HECW1: variants seen among roughly 807,000 people sequenced by gnomAD.
The protein encoded by HECW1 is E3 ubiquitin-protein ligase HECW1.
Under a neutral mutation model 182.3 loss-of-function variants are expected in HECW1, and 61 were observed. The observed-to-expected ratio is 0.33, with a 90% CI of 0.27 to 0.41. The LOEUF is 0.41. Ranked by LOEUF, HECW1 falls within the 10% of genes least tolerant of loss-of-function variation. HECW1 has a pLI of 1.00. For missense variants in HECW1, 1,739 were observed against 2,108.9 expected (o/e 0.82, Z 3.44); for synonymous variants, 859 against 832.6 (o/e 1.03, Z -0.55).
chr7:43,269,121 A>C (rs1402329658), intron 3 of HECW1, among the ~76,000 whole-genome samples: 4 of 151,912 alleles, frequency 2.6e-5, no homozygotes, highest in Non-Finnish European at 5.9e-5. Flanking sequence ...CTGACCATCT[A>C]CCTCTTGACA....
chr7:43,337,462 C>T (rs1050249258), intron 5 of HECW1, among the ~76,000 whole-genome samples: 2 of 152,118 alleles, frequency 1.3e-5, no homozygotes, highest in African/African-American at 4.8e-5. Flanking sequence ...TTGAGAGCCC[C>T]AAGGTGACAT....
Position 43,463,235 on chromosome 7 carries a change from C to G in HECW1, c.2652-425C>G, listed in dbSNP as rs144952919. On this transcript the variant is annotated intron_variant, in intron 13 of 29. Transcript: ENST00000395891. ...GACCTCTGCCCAATTATATCAATTA[C>G]CCGACAAATAAAACTGAGTAGAACT... Among the ~76,000 whole-genome samples, 3 of 152,316 alleles carry G rather than the reference C, an allele frequency of 2.0e-5. No homozygotes were observed. The East Asian group carries it at 5.8e-4, about 29-fold the overall frequency.
chr7:43,474,911 A>G (rs947342856), intron 16 of HECW1, among the ~76,000 whole-genome samples: 3 of 152,234 alleles, frequency 2.0e-5, no homozygotes, highest in Non-Finnish European at 4.4e-5. Context: ...GATTCCACTC[A>G]TATGAGGAAC....
intron 3 of HECW1, chr7:43,248,575 T>A (rs1285416938): frequency 6.6e-6 from 1 of 152,332 alleles, no homozygotes; most frequent in Non-Finnish European, 1.5e-5. Flanking sequence ...AACTCTGCAG[T>A]TTGTCATCCT....
intron 3 of HECW1, among the ~76,000 whole-genome samples, chr7:43,283,442 T>A (rs1804190788): frequency 6.6e-6 from 1 of 152,222 alleles, no homozygotes; most frequent in Non-Finnish European, 1.5e-5. Context: ...TCACTTTTTT[T>A]AATTTTGGAA....
At chr7:43,217,645 A>C (rs1416497341) in intron 2 of HECW1, among the ~76,000 whole-genome samples, 3 of 152,210 alleles carry the variant, frequency 2.0e-5, no homozygotes, top group African/African-American at 7.2e-5. Context: ...TAATAAGATT[A>C]TACAACAGAC....
intron 24 of HECW1, among the ~76,000 whole-genome samples, chr7:43,528,827 CT>C (rs1174521963): frequency 1.3e-5 from 2 of 152,170 alleles, no homozygotes; most frequent in Admixed American, 6.5e-5. Flanking sequence ...GGCAGAGTCT[CT>C]TTCATGGCAG....
At chr7:43,291,904 A>G (rs1273513030) in intron 3 of HECW1, among the ~76,000 whole-genome samples, 1 of 152,236 alleles carries the variant, frequency 6.6e-6, no homozygotes, top group Non-Finnish European at 1.5e-5. Context: ...GCCTAGGGAA[A>G]GGCCCAGTTA....
chr7:43,488,378 GGAA>G (rs2078745119), intron 17 of HECW1, among the ~76,000 whole-genome samples: 1 of 85,856 alleles, frequency 1.2e-5, no homozygotes, highest in African/African-American at 4.2e-5. Context: ...AAGGAAGGAA[GGAA>G]GGAAGGAAGG....
intron 6 of HECW1, among the ~76,000 whole-genome samples, chr7:43,384,704 C>T (rs1003653962): frequency 6.6e-6 from 1 of 152,200 alleles, no homozygotes; most frequent in African/African-American, 2.4e-5. Context: ...ATTACACTCA[C>T]ATGAATGAGC....
At chr7:43,123,763 C>T (rs1047644369) in intron 2 of HECW1, among the ~76,000 whole-genome samples, 12 of 152,090 alleles carry the variant, frequency 7.9e-5, no homozygotes, top group Non-Finnish European at 7.3e-5. Context: ...CTGCCTGATG[C>T]TGTGGAATAG....
chr7:43,290,350 G>A (rs759028698), intron 3 of HECW1, among the ~76,000 whole-genome samples: 31 of 152,316 alleles, frequency 2.0e-4, no homozygotes, highest in Middle Eastern at 3.4e-3. Context: ...TTAAAAGCCT[G>A]TTTAATGAGA....
At position 43,449,003 on chromosome 7, in the gene HECW1, T is replaced by G. The variant is rs117574423; in HGVS notation, c.2399-1825T>G. Among the ~76,000 whole-genome samples the G allele has an allele frequency of 2.1e-3, 319 of 152,298 alleles. 4 individuals are homozygous for G. Among genetic ancestry groups the G allele is most frequent in the East Asian group, 0.014 (70 of 5,176 alleles). On this transcript the variant is annotated intron_variant, in intron 11 of 29. Coordinates refer to ENST00000395891, the MANE Select transcript of HECW1 (RefSeq NM_015052.5). ...AGACATGTTGGTCACATCATTGCAT[T>G]TGCTTGGGGTTCACAAGCAGGTGGG...
At chr7:43,253,731 C>G (rs1800273502) in intron 3 of HECW1, among the ~76,000 whole-genome samples, 1 of 152,084 alleles carries the variant, frequency 6.6e-6, no homozygotes, top group Non-Finnish European at 1.5e-5. Flanking sequence ...TATGGTGAAA[C>G]CCCATCTCTA....
rs1562853594 is a variant in HECW1, at chr7:43,336,128, CTCTCTCTCTCTCTCTT to C, written c.460+15402_460+15417del. 8.7e-4 allele frequency among the ~76,000 whole-genome samples: 72 copies of C among 82,698 alleles called. 1 individual carries two copies. The highest frequency in any genetic ancestry group is 0.017 in the Middle Eastern group (2 of 118). The allele number at this position is 82,698 out of a possible 152,430, so 54.3% of individuals were successfully genotyped here. A position where few individuals can be genotyped will look rare whatever the true frequency, so the allele number is the denominator to read the frequency against. ...CTTCTTTCTTTCTTTCTTTCTTTCT[CTCTCTCTCTCTCTCTT>C]TCTCTCTCTCTCTCTCTCTCTCTCT... is the stretch of plus-strand genomic sequence containing the variant. On this transcript the variant is annotated intron_variant, in intron 5 of 29. Coordinates refer to ENST00000395891, the MANE Select transcript of HECW1 (RefSeq NM_015052.5).
intron 2 of HECW1, among the ~76,000 whole-genome samples, chr7:43,116,693 C>T (rs1281039776): frequency 1.3e-5 from 2 of 152,350 alleles, no homozygotes; most frequent in East Asian, 3.9e-4. Flanking sequence ...CAGGAAGTTG[C>T]AATACCCACA....
chr7:43,306,885 G>A (rs748733146), intron 3 of HECW1, among the ~76,000 whole-genome samples: 19 of 151,804 alleles, frequency 1.3e-4, no homozygotes, highest in Non-Finnish European at 2.5e-4. Flanking sequence ...TTGTTAATGT[G>A]CTATACTCCA....
intron 3 of HECW1, among the ~76,000 whole-genome samples, chr7:43,269,919 C>A (rs980052602): frequency 2.0e-5 from 3 of 152,146 alleles, no homozygotes; most frequent in Non-Finnish European, 4.4e-5. Flanking sequence ...ACCGCCATAA[C>A]AAAGAATTAT....
intron 12 of HECW1, among the ~76,000 whole-genome samples, chr7:43,456,094 A>C (rs1417708575): frequency 6.6e-6 from 1 of 152,136 alleles, no homozygotes; most frequent in Non-Finnish European, 1.5e-5. Context: ...CAGAGAGTCT[A>C]AGTTCATTAA....
Sources: allele counts gnomAD v4.1 joint callset (sites outside exome capture counted in the v4.1 genomes callset), GRCh38; gene constraint gnomAD v4.1.1; transcripts MANE v1.5; gene names NCBI Gene and HGNC (gene_info 2026-07-23, HGNC 2026-07-21).